Variants in RABGAP1L observed in about 807,000 individuals in gnomAD.
RABGAP1L encodes the protein rab GTPase-activating protein 1-like.
RABGAP1L carries 63 observed loss-of-function variants against 137.7 expected under a neutral mutation model. The ratio of observed to expected loss-of-function variants is 0.46; its 90% CI spans 0.37 to 0.56. The LOEUF (loss-of-function observed/expected upper bound fraction) is 0.56. Ranked by LOEUF, RABGAP1L falls within the 20% of genes least tolerant of loss-of-function variation. The pLI, the probability that RABGAP1L is intolerant of heterozygous loss-of-function variation, is 0.00. For synonymous variants in RABGAP1L, 431 were observed against 433.7 expected (o/e 0.99, Z 0.08); for missense variants, 1,095 against 1,244.0 (o/e 0.88, Z 1.80).
intron 13 of RABGAP1L, among the ~76,000 whole-genome samples, chr1:174,547,589 C>T (rs1666123390): frequency 6.6e-6 from 1 of 152,076 alleles, no homozygotes; most frequent in South Asian, 2.1e-4. Context: ...TGTACTTCAT[C>T]CTAGGCAACA....
At chr1:174,955,954 C>T (rs923381538) in intron 19 of RABGAP1L, among the ~76,000 whole-genome samples, 4 of 151,996 alleles carry the variant, frequency 2.6e-5, no homozygotes, top group Non-Finnish European at 5.9e-5. Context: ...TAAGGGAATT[C>T]TATAACTTTG....
chr1:174,318,580 TTTTCTTTCTTTCTTTCTTTCTTTC>T (rs58050295), intron 11 of RABGAP1L, among the ~76,000 whole-genome samples: 16 of 117,550 alleles, frequency 1.4e-4, no homozygotes, highest in Admixed American at 2.7e-4. Context: ...TTGGTGATTG[TTTTCTTTCTTTCTTTCTTTCTTTC>T]TTTCTTTCTT....
At chr1:174,187,739 T>C (rs2148323538) in intron 1 of RABGAP1L, among the ~76,000 whole-genome samples, 1 of 152,206 alleles carries the variant, frequency 6.6e-6, no homozygotes, top group Middle Eastern at 3.4e-3. Context: ...AGAATTCTGA[T>C]CATCTTGTAG....
At chr1:174,859,624 T>C (rs1649920809) in intron 19 of RABGAP1L, among the ~76,000 whole-genome samples, 1 of 152,102 alleles carries the variant, frequency 6.6e-6, no homozygotes, top group South Asian at 2.1e-4. Context: ...CTGTGTGTTC[T>C]CACTTACAAG....
At chr1:174,420,882 C>G (rs367874273) in intron 13 of RABGAP1L, among the ~76,000 whole-genome samples, 2 of 151,852 alleles carry the variant, frequency 1.3e-5, no homozygotes, top group African/African-American at 2.4e-5. Context: ...TCACCGTGTT[C>G]GCCAGGATGG....
intron 13 of RABGAP1L, among the ~76,000 whole-genome samples, chr1:174,506,400 A>G (rs1449174552): frequency 6.6e-6 from 1 of 152,192 alleles, no homozygotes; most frequent in Non-Finnish European, 1.5e-5. Context: ...ACAGAAAACA[A>G]CCTTGTGATA....
intron 13 of RABGAP1L, among the ~76,000 whole-genome samples, chr1:174,514,397 A>G (rs920970324): frequency 3.3e-5 from 5 of 152,188 alleles, no homozygotes; most frequent in African/African-American, 7.2e-5. Flanking sequence ...GCAGCCATAG[A>G]CTAGTTCCTC....
intron 13 of RABGAP1L, among the ~76,000 whole-genome samples, chr1:174,563,570 C>T (rs2148025067): frequency 6.6e-6 from 1 of 152,158 alleles, no homozygotes; most frequent in African/African-American, 2.4e-5. Flanking sequence ...AAAATGTTTT[C>T]CATGTAATAA....
intron 17 of RABGAP1L, among the ~76,000 whole-genome samples, chr1:174,714,652 G>T (rs762754055): frequency 2.6e-5 from 4 of 152,138 alleles, no homozygotes; most frequent in African/African-American, 4.8e-5. Context: ...CAGTACAGTG[G>T]GGGTTTATTG....
rs1666596285 is a variant in RABGAP1L, at chr1:174,552,267, G to A, written c.1711-85108G>A. Among the ~76,000 whole-genome samples, 3 of 151,978 alleles carry A rather than the reference G, an allele frequency of 2.0e-5. No individual in the cohort carries two copies. In the South Asian group the frequency reaches 6.2e-4, roughly 32 times the overall value. On this transcript the variant is annotated intron_variant, in intron 13 of 25. Transcript: ENST00000681986. The stretch of plus-strand genomic sequence containing the variant: ...TTTGTATAGATTATTTCATCACCCA[G>A]GTATTAAGCCTAGTATTCATTAGTT...
intron 7 of RABGAP1L, among the ~76,000 whole-genome samples, chr1:174,261,205 T>A (rs1323221780): frequency 1.3e-5 from 2 of 152,084 alleles, no homozygotes; most frequent in African/African-American, 2.4e-5. Flanking sequence ...CACAACTCAA[T>A]TTGCAGTGAG....
chr1:174,740,507 A>G (rs1255534222), intron 17 of RABGAP1L, among the ~76,000 whole-genome samples: 1 of 152,150 alleles, frequency 6.6e-6, no homozygotes, highest in Non-Finnish European at 1.5e-5. Flanking sequence ...GCAAAATTAC[A>G]TACCACTTCT....
intron 8 of RABGAP1L, chr1:174,275,163 G>A (rs1261372499): frequency 1.3e-5 from 2 of 152,092 alleles, no homozygotes; most frequent in Non-Finnish European, 2.9e-5. Context: ...GAGAAGAGGA[G>A]GAAGGAGAGA....
At chr1:174,729,862 CTGTTGGTGG>C (rs1262005093) in intron 17 of RABGAP1L, among the ~76,000 whole-genome samples, 1 of 152,192 alleles carries the variant, frequency 6.6e-6, no homozygotes, top group African/African-American at 2.4e-5. Flanking sequence ...CACTTATACA[CTGTTGGTGG>C]GAATGTAAAT....
At chr1:174,640,910 C>A (rs1172621496) in intron 14 of RABGAP1L, among the ~76,000 whole-genome samples, 1 of 146,380 alleles carries the variant, frequency 6.8e-6, no homozygotes, top group African/African-American at 2.5e-5. Flanking sequence ...CAATTGTAGG[C>A]CTTTTTTTTT....
At chr1:174,842,983 A>G (rs1693582273) in intron 19 of RABGAP1L, among the ~76,000 whole-genome samples, 2 of 152,240 alleles carry the variant, frequency 1.3e-5, no homozygotes, top group South Asian at 4.2e-4. Flanking sequence ...TGTTTGTCAA[A>G]GCAAAAATTC....
At chr1:174,657,473 T>A (rs931842737) in intron 14 of RABGAP1L, among the ~76,000 whole-genome samples, 3 of 152,198 alleles carry the variant, frequency 2.0e-5, no homozygotes, top group African/African-American at 7.2e-5. Flanking sequence ...TTTTAGCTTC[T>A]GCATATGAAT....
chr1:174,464,349 C>T (rs1477822403), intron 13 of RABGAP1L, among the ~76,000 whole-genome samples: 1 of 152,108 alleles, frequency 6.6e-6, no homozygotes, highest in African/African-American at 2.4e-5. Context: ...AGCCCATCTA[C>T]TCTCAGGAAT....
rs77549200 is a variant in RABGAP1L at position 174,228,845 on chromosome 1, T to C, written c.332-2300T>C. On this transcript the variant is annotated intron_variant, in intron 3 of 25. Coordinates refer to ENST00000681986, the MANE Select transcript of RABGAP1L (RefSeq NM_001366446.1). ...AAGGACCTAGTTCAAGTGATACATG[T>C]ATGCTTAATTTTGTGCGGCATGAAT... 6.9e-3 allele frequency among the ~76,000 whole-genome samples: 1,055 copies of C among 152,232 alleles called. 9 individuals are homozygous for C. The highest frequency in any genetic ancestry group is 0.024 in the African/African-American group (977 of 41,538).
Sources: allele counts gnomAD v4.1 joint callset (sites outside exome capture counted in the v4.1 genomes callset), GRCh38; gene constraint gnomAD v4.1.1; transcripts MANE v1.5; gene names NCBI Gene and HGNC (gene_info 2026-07-23, HGNC 2026-07-21).